Variants in OLFML1 observed in about 807,000 individuals in gnomAD.
OLFML1 encodes olfactomedin-like protein 1.
A neutral mutation model predicts 37.3 loss-of-function variants in OLFML1; 33 were observed. The ratio of observed to expected loss-of-function variants is 0.88; its 90% CI spans 0.67 to 1.18. The LOEUF is 1.18. Among genes scored for constraint, OLFML1 ranks in the 50% most tolerant of loss-of-function variants. The pLI, the probability that OLFML1 is intolerant of heterozygous loss-of-function variation, is 0.00. For missense variants in OLFML1, 545 were observed against 483.7 expected (o/e 1.13, Z -1.19); for synonymous variants, 186 against 181.3 (o/e 1.03, Z -0.21).
At chr11:7,509,253 C>G in intron 2 of OLFML1, 145 bp from the exon 3 acceptor site, 1 of 591,652 alleles carries the variant, frequency 1.7e-6, no homozygotes, top group Non-Finnish European at 2.9e-6. Context: ...CTTCTAAGGA[C>G]GGTCATGTCA....
chr11:7,488,004 C>A (rs985901137), intron 1 of OLFML1, 123 bp from the exon 2 acceptor site: 3 of 674,322 alleles, frequency 4.4e-6, no homozygotes, highest in Non-Finnish European at 7.2e-6. Context: ...TGGGAGATTT[C>A]AATTTTTCCC....
intron 2 of OLFML1, among the ~76,000 whole-genome samples, chr11:7,493,920 CT>C (rs1426682180): frequency 6.6e-6 from 1 of 152,146 alleles, no homozygotes; most frequent in African/African-American, 2.4e-5. Flanking sequence ...CCTCAAAAAG[CT>C]TATGGCCAAG....
chr11:7,501,619 C>A (rs1057266358), intron 2 of OLFML1, among the ~76,000 whole-genome samples: 2 of 152,208 alleles, frequency 1.3e-5, no homozygotes, highest in African/African-American at 4.8e-5. Flanking sequence ...TCAGCTCTTC[C>A]CAGCTAGGGT....
chr11:7,509,518 G>T lies in OLFML1; in HGVS notation c.539G>T (p.Gly180Val). 6.2e-7 allele frequency: 1 copy of T among 1,614,152 alleles called. No individual in the cohort carries two copies. ...TCTCCAAAGGTGTACTTATTAATTG[G>T]ATCCAGAAACAACACTGTTTGGGAA... ...YNSPKVYLLI[G>V]SRNNTVWEFA... The change falls in exon 3 of 3, where the codon GGA (glycine) becomes GTA (valine). Residue 180 changes from glycine to valine, a missense_variant. Transcript: ENST00000329293.
At chr11:7,488,509 G>T in intron 2 of OLFML1, 94 bp downstream of exon 2, 1 of 1,012,374 alleles carries the variant, frequency 9.9e-7, no homozygotes, top group Non-Finnish European at 1.4e-6. Context: ...ATAGAGTAAT[G>T]AGAGTAAGAA....
chr11:7,488,350 C>T lies in OLFML1; in HGVS notation c.353C>T (p.Thr118Ile), dbSNP rs140461120. ...ADECIESEDKTLAEMLLQEAE... is the reference protein window; with the variant it reads ...ADECIESEDKILAEMLLQEAE... The stretch of plus-strand genomic sequence containing the variant: ...GAGTGCATCGAATCAGAGGACAAGA[C>T]ACTGGCAGAAATGTTGCTCCAAGAA... The change falls in exon 2 of 3, where the codon ACA (threonine) becomes ATA (isoleucine). Residue 118 changes from threonine (T) to isoleucine (I), a missense_variant. Coordinates refer to ENST00000329293, the MANE Select transcript of OLFML1 (RefSeq NM_198474.4). 7.9e-5 allele frequency: 127 copies of T among 1,614,038 alleles called. No individual in the cohort carries two copies. The African/African-American group carries it at 1.5e-3, about 20-fold the overall frequency.
intron 2 of OLFML1, among the ~76,000 whole-genome samples, chr11:7,497,978 T>C (rs1467370195): frequency 6.6e-6 from 1 of 152,198 alleles, no homozygotes; most frequent in Admixed American, 6.5e-5. Context: ...CACCTGCTAA[T>C]CTATTTGATT....
chr11:7,503,947 A>C (rs1848752367), intron 2 of OLFML1, among the ~76,000 whole-genome samples: 1 of 152,230 alleles, frequency 6.6e-6, no homozygotes, highest in Non-Finnish European at 1.5e-5. Context: ...TGAATGAAAC[A>C]GATAAGACAA....
chr11:7,488,961 T>G (rs2134175222), intron 2 of OLFML1: 2 of 152,484 alleles, frequency 1.3e-5, no homozygotes, highest in Middle Eastern at 6.8e-3. Context: ...TTAAGAATAA[T>G]GTGTAGCAGC....
intron 2 of OLFML1, among the ~76,000 whole-genome samples, chr11:7,500,042 G>A (rs774756840): frequency 1.3e-5 from 2 of 151,980 alleles, no homozygotes; most frequent in Non-Finnish European, 2.9e-5. Context: ...CAGGGGATGT[G>A]CCACCAAGCC....
At position 7,509,740 on chromosome 11, in the gene OLFML1, G is replaced by C; in HGVS notation, c.761G>C (p.Gly254Ala). Residue 254 changes from glycine to alanine, a missense_variant, in exon 3 of 3, where the codon GGA becomes GCA. Transcript: ENST00000329293. ...RTVEDRMLLP[G>A]GVGRALVYQH... ...GTGGAAGATCGAATGCTGCTCCCAG[G>C]AGGGGTAGGCCGAGCATTGGTTTAC... 6.2e-7 allele frequency: 1 copy of C among 1,614,232 alleles called. No homozygotes were observed. The highest frequency in any genetic ancestry group is 8.5e-7 in the Non-Finnish European group (1 of 1,180,046).
intron 1 of OLFML1, among the ~76,000 whole-genome samples, chr11:7,487,835 A>G (rs1848542649): frequency 6.6e-6 from 1 of 152,220 alleles, no homozygotes; most frequent in Non-Finnish European, 1.5e-5. Flanking sequence ...GTATCAAAGT[A>G]TGTTCACAAT....
chr11:7,494,817 C>A (rs1848641366), intron 2 of OLFML1, among the ~76,000 whole-genome samples: 1 of 152,138 alleles, frequency 6.6e-6, no homozygotes, highest in Admixed American at 6.5e-5. Context: ...TCTAGCTGTT[C>A]CTGATCTTAT....
Position 7,485,897 on chromosome 11 carries a change from G to A in OLFML1, c.22G>A (p.Ala8Thr), listed in dbSNP as rs752331144. 6.2e-7 allele frequency: 1 copy of A among 1,613,748 alleles called. No homozygotes were observed. The highest frequency in any genetic ancestry group is 1.1e-5 in the South Asian group (1 of 91,064). The part of the protein sequence containing the change: MMVALRG[A>T]SALLVLFLAA... ...CAGGATGATGGTGGCCCTTCGAGGA[G>A]CTTCTGCATTGCTGGTTCTGTTCCT... The change falls in exon 1 of 3, where the codon GCT becomes ACT. Residue 8 changes from alanine (A) to threonine (T), a missense_variant. Ala to Thr is a moderately conservative substitution (Grantham distance 58, BLOSUM62 0). Coordinates refer to ENST00000329293, the MANE Select transcript of OLFML1 (RefSeq NM_198474.4).
At chr11:7,504,024 T>C (rs1011461176) in intron 2 of OLFML1, among the ~76,000 whole-genome samples, 4 of 152,080 alleles carry the variant, frequency 2.6e-5, no homozygotes, top group African/African-American at 9.7e-5. Context: ...TAATAACAAA[T>C]GTATGTCAGA....
Position 7,509,589 on chromosome 11 carries a change from C to A in OLFML1, c.610C>A (p.Pro204Thr). The A allele has an allele frequency of 6.2e-7, 1 of 1,614,194 alleles. No individual in the cohort carries two copies. The highest frequency in any genetic ancestry group is 1.1e-5 in the South Asian group (1 of 91,082). Residue 204 changes from proline (P) to threonine (T), a missense_variant, in exon 3 of 3, where the codon CCC (proline) becomes ACC (threonine). Coordinates refer to ENST00000329293, the MANE Select transcript of OLFML1 (RefSeq NM_198474.4). ...CATGGAGGATAACACCAAGCCAGCT[C>A]CCCGGAAGCAAATCCTAACACTTTC... ...AFMEDNTKPA[P>T]RKQILTLSWQ...
At chr11:7,503,400 T>C (rs535929174) in intron 2 of OLFML1, among the ~76,000 whole-genome samples, 64 of 152,204 alleles carry the variant, frequency 4.2e-4, no homozygotes, top group African/African-American at 1.4e-3. Context: ...GAAAGAGTTT[T>C]GAGGGAAAGT....
At position 7,510,890 on chromosome 11, in the gene OLFML1, A is replaced by G. The variant is rs1848851671; in HGVS notation, c.*702A>G. ...GCTTGGTAGATGTAATAATAAAGTG[A>G]AAATATTAACATTTGAATATCGCTT... is the stretch of plus-strand genomic sequence containing the variant. On this transcript the variant is annotated 3_prime_UTR_variant, in exon 3 of 3. Coordinates refer to ENST00000329293, the MANE Select transcript of OLFML1 (RefSeq NM_198474.4). 1 of 152,204 alleles carries G rather than the reference A, an allele frequency of 6.6e-6. No individual in the cohort carries two copies. 9.4% of individuals were successfully genotyped at this position (152,204 alleles called of 1,614,324 possible).
In OLFML1 at chr11:7,510,136, G is replaced by C. The variant is rs747766425; in HGVS notation, c.1157G>C (p.Gly386Ala). ...AAGCAGCTCTATGCCTGGAATGAAG[G>C]AAACCAGATCATTTACAAACTCCAG... is the stretch of plus-strand genomic sequence containing the variant. Reference protein sequence around the residue: ...RDKQLYAWNEGNQIIYKLQTK... With the variant: ...RDKQLYAWNEANQIIYKLQTK... Residue 386 changes from glycine to alanine, a missense_variant, in exon 3 of 3, where the codon GGA becomes GCA. Transcript: ENST00000329293. 1 of 1,613,448 alleles carries C rather than the reference G, an allele frequency of 6.2e-7. No individual in the cohort carries two copies. Among genetic ancestry groups the C allele is most frequent in the South Asian group, 1.1e-5 (1 of 91,072 alleles).
Sources: allele counts gnomAD v4.1 joint callset (sites outside exome capture counted in the v4.1 genomes callset), GRCh38; gene constraint gnomAD v4.1.1; transcripts MANE v1.5; gene names NCBI Gene and HGNC (gene_info 2026-07-23, HGNC 2026-07-21).